The following ADGRB3 variants were observed in gnomAD, a reference collection of about 807,000 sequenced individuals.
The protein encoded by ADGRB3 is adhesion G protein-coupled receptor B3.
ADGRB3 carries 37 observed loss-of-function variants against 193.4 expected under a neutral mutation model. The ratio of observed to expected loss-of-function variants is 0.19; its 90% CI spans 0.15 to 0.25. ADGRB3 has a LOEUF of 0.25. Among genes scored for constraint, ADGRB3 ranks in the 10% least tolerant of loss-of-function variants. The probability of loss-of-function intolerance (pLI) is 1.00; values close to 1 mark genes in which losing one functional copy is unlikely to be tolerated. For synonymous variants in ADGRB3, 690 were observed against 644.2 expected (o/e 1.07, Z -1.08); for missense variants, 1,637 against 1,852.9 (o/e 0.88, Z 2.14).
intron 17 of ADGRB3, among the ~76,000 whole-genome samples, chr6:69,111,543 C>T (rs375883802): frequency 1.3e-5 from 2 of 152,130 alleles, no homozygotes; most frequent in South Asian, 4.1e-4. Context: ...AGAACAAAAG[C>T]GTGTCCTTGG....
At chr6:69,295,139 A>G (rs1216234022) in intron 20 of ADGRB3, among the ~76,000 whole-genome samples, 1 of 152,190 alleles carries the variant, frequency 6.6e-6, no homozygotes, top group Non-Finnish European at 1.5e-5. Flanking sequence ...TAAAAACCAC[A>G]GCCAAGTTTC....
At chr6:69,240,047 C>T (rs1231561236) in intron 20 of ADGRB3, among the ~76,000 whole-genome samples, 1 of 151,892 alleles carries the variant, frequency 6.6e-6, no homozygotes, top group Admixed American at 6.6e-5. Context: ...AAAAATTTTC[C>T]CATAAGCCAT....
At chr6:69,292,897 G>A (rs1392197418) in intron 20 of ADGRB3, among the ~76,000 whole-genome samples, 1 of 148,228 alleles carries the variant, frequency 6.7e-6, no homozygotes, top group Non-Finnish European at 1.5e-5. Flanking sequence ...AGTCCGCAGA[G>A]TTTGATGTTC....
At position 69,382,893 on chromosome 6, in the gene ADGRB3, A is replaced by G. The variant is rs370976115; in HGVS notation, c.4338A>G (p.Gln1446=). The change falls in exon 31 of 32, where the codon CAA becomes CAG. Residue 1446 remains glutamine (Q), a synonymous_variant. Coordinates refer to ENST00000370598, the MANE Select transcript of ADGRB3 (RefSeq NM_001704.3). The part of the protein sequence containing the change: ...ELFQELNQKF[Q]TLDRFRDIPN... ...TTCAAGAACTAAATCAGAAATTTCA[A>G]ACTTTGGACAGATTTCGGGATATAC... 804 of 1,609,848 alleles carry G rather than the reference A, an allele frequency of 5.0e-4. 2 individuals carry two copies. The highest frequency in any genetic ancestry group is 1.4e-3 in the Admixed American group (82 of 59,670).
chr6:69,117,957 T>G (rs557126960), intron 17 of ADGRB3, among the ~76,000 whole-genome samples: 1 of 152,314 alleles, frequency 6.6e-6, no homozygotes, highest in African/African-American at 2.4e-5. Context: ...CAAGTTTTTC[T>G]CCCCTGTTTT....
At chr6:68,723,663 AAT>A (rs1765623885) in intron 3 of ADGRB3, among the ~76,000 whole-genome samples, 1 of 151,730 alleles carries the variant, frequency 6.6e-6, no homozygotes, top group African/African-American at 2.4e-5. Context: ...ATATTTGTAG[AAT>A]TGCTGAGATA....
chr6:68,815,108 A>G (rs1286562028), intron 3 of ADGRB3, among the ~76,000 whole-genome samples: 2 of 152,152 alleles, frequency 1.3e-5, no homozygotes, highest in Non-Finnish European at 2.9e-5. Flanking sequence ...CACCACTCCT[A>G]TTCAACATCG....
chr6:69,165,198 TA>T (rs1775099883), intron 17 of ADGRB3, among the ~76,000 whole-genome samples: 1 of 152,146 alleles, frequency 6.6e-6, no homozygotes, highest in South Asian at 2.1e-4. Context: ...GAAAATCTAT[TA>T]AAAGGCTTCG....
At chr6:69,120,870 A>G (rs2150329518) in intron 17 of ADGRB3, among the ~76,000 whole-genome samples, 1 of 152,318 alleles carries the variant, frequency 6.6e-6, no homozygotes, top group East Asian at 1.9e-4. Context: ...CAGTAGAAGG[A>G]GTGGCTATTT....
At chr6:69,223,708 A>G (rs922202019) in intron 17 of ADGRB3, among the ~76,000 whole-genome samples, 41 of 119,590 alleles carry the variant, frequency 3.4e-4, no homozygotes, top group African/African-American at 1.4e-3. Context: ...AGGGGCTGGT[A>G]TGCAGTGGCA....
In ADGRB3 at chr6:68,929,364, C is replaced by T. The variant is rs75801326; in HGVS notation, c.758-1195C>T. On this transcript the variant is annotated intron_variant, in intron 3 of 31. Coordinates refer to ENST00000370598, the MANE Select transcript of ADGRB3 (RefSeq NM_001704.3). ...TGTAAAAAATTTCTGACACATCAGT[C>T]AGGTGTCATGGTTTAATTTTTATGT... Among the ~76,000 whole-genome samples, 235 of 152,220 alleles carry T rather than the reference C, an allele frequency of 1.5e-3. 6 individuals carry two copies. The East Asian group carries it at 0.043, about 28-fold the overall frequency.
At chr6:68,723,783 T>G (rs1407677639) in intron 3 of ADGRB3, among the ~76,000 whole-genome samples, 1 of 151,772 alleles carries the variant, frequency 6.6e-6, no homozygotes, top group Non-Finnish European at 1.5e-5. Flanking sequence ...TATAAAGAAG[T>G]ATAAATCAAG....
At chr6:69,320,937 C>A (rs973101151) in intron 20 of ADGRB3, among the ~76,000 whole-genome samples, 3 of 151,250 alleles carry the variant, frequency 2.0e-5, no homozygotes, top group African/African-American at 7.3e-5. Flanking sequence ...TGCTACCTTT[C>A]CCCCAAATTT....
At chr6:68,828,262 C>A (rs1191997994) in intron 3 of ADGRB3, among the ~76,000 whole-genome samples, 3 of 151,990 alleles carry the variant, frequency 2.0e-5, no homozygotes, top group Non-Finnish European at 4.4e-5. Flanking sequence ...ACTGTGCTGG[C>A]TGGATAACAT....
In ADGRB3 at chr6:69,346,881, T is replaced by C. The variant is rs576909315; in HGVS notation, c.3460-7352T>C. On this transcript the variant is annotated intron_variant, in intron 26 of 31. Coordinates refer to ENST00000370598, the MANE Select transcript of ADGRB3 (RefSeq NM_001704.3). ...ACATACCGAAAGGATTATACATCAC[T>C]CAGCTTGCTATAAAGACACATGTAC... Among the ~76,000 whole-genome samples the C allele has an allele frequency of 2.8e-4, 42 of 152,290 alleles. No homozygotes were observed. The South Asian group carries it at 8.5e-3, about 31-fold the overall frequency.
intron 3 of ADGRB3, among the ~76,000 whole-genome samples, chr6:68,836,406 GT>G (rs1768047345): frequency 6.6e-6 from 1 of 152,126 alleles, no homozygotes; most frequent in East Asian, 1.9e-4. Context: ...GGTTTTAGCT[GT>G]TTTTTAGTTT....
intron 3 of ADGRB3, among the ~76,000 whole-genome samples, chr6:68,647,461 T>G (rs1768244090): frequency 6.6e-6 from 1 of 152,190 alleles, no homozygotes; most frequent in African/African-American, 2.4e-5. Context: ...CCATAGAGAA[T>G]TGATAATCAA....
In ADGRB3 at chr6:68,999,416, C is replaced by A. The variant is rs184111980; in HGVS notation, c.1929+5454C>A. ...AGTAGCTGGGGCTACAGACGCCCGC[C>A]ACCACGCCCCGCTAATTTTTTGTAT... is the stretch of plus-strand genomic sequence containing the variant. On this transcript the variant is annotated intron_variant, in intron 11 of 31. Coordinates refer to ENST00000370598, the MANE Select transcript of ADGRB3 (RefSeq NM_001704.3). 1.1e-3 allele frequency among the ~76,000 whole-genome samples: 170 copies of A among 152,158 alleles called. 1 individual carries two copies. Among genetic ancestry groups the A allele is most frequent in the Non-Finnish European group, 3.1e-4 (21 of 67,984 alleles).
chr6:69,099,229 A>G (rs1772967189), intron 17 of ADGRB3, among the ~76,000 whole-genome samples: 1 of 152,250 alleles, frequency 6.6e-6, no homozygotes, highest in Admixed American at 6.5e-5. Flanking sequence ...ATCTAGTTCA[A>G]AATGTCAATA....
Sources: allele counts gnomAD v4.1 joint callset (sites outside exome capture counted in the v4.1 genomes callset), GRCh38; gene constraint gnomAD v4.1.1; transcripts MANE v1.5; gene names NCBI Gene and HGNC (gene_info 2026-07-23, HGNC 2026-07-21).